The following SPTAN1 variants were observed in gnomAD, a reference collection of about 807,000 sequenced individuals.
SPTAN1 encodes spectrin alpha, non-erythrocytic 1, also known as spectrin alpha chain, non-erythrocytic 1.
Under a neutral mutation model 331.3 loss-of-function variants are expected in SPTAN1, and 61 were observed. The ratio of observed to expected loss-of-function variants is 0.18; its 90% confidence interval spans 0.15 to 0.23. The LOEUF (loss-of-function observed/expected upper bound fraction) is 0.23, where lower values mean the gene tolerates loss of function less well. Among genes scored for constraint, SPTAN1 ranks in the 10% least tolerant of loss-of-function variants. The probability of loss-of-function intolerance (pLI) is 1.00; values close to 1 mark genes in which losing one functional copy is unlikely to be tolerated. For synonymous variants in SPTAN1, 1,153 were observed against 1,173.9 expected, an observed-to-expected ratio of 0.98 and a Z score of 0.36; for missense variants, 2,043 against 3,147.9, an observed-to-expected ratio of 0.65 and a Z score of 8.40.
chr9:128,571,569 G>C (rs1354882638), intron 3 of SPTAN1, among the ~76,000 whole-genome samples: 1 of 152,110 alleles, frequency 6.6e-6, no homozygotes, highest in Non-Finnish European at 1.5e-5. Context: ...TGGGCAACAA[G>C]AGCGAAATTC....
At chr9:128,576,707 G>A (rs564728653) in intron 5 of SPTAN1, 116 bp from the exon 6 acceptor site, 1 of 1,345,280 alleles carries the variant, frequency 7.4e-7, no homozygotes, top group South Asian at 1.3e-5. Flanking sequence ...ATTATTTCTT[G>A]TGATTCTCTT....
chr9:128,624,405 A>G lies in SPTAN1; in HGVS notation c.5910A>G (p.Ala1970=). ...NGKVSDLEKA[A]AQRKAKLDEN... ...AAGTGTCAGACCTGGAGAAAGCTGCAGCCCAGAGAAAGGCGAAGCTGGATG... is the reference window on the plus strand; with the variant it reads ...AAGTGTCAGACCTGGAGAAAGCTGCGGCCCAGAGAAAGGCGAAGCTGGATG... The change falls in exon 46 of 57, where the codon GCA becomes GCG. Residue 1970 remains alanine, a synonymous_variant. Transcript: ENST00000372739. 7.4e-6 allele frequency: 12 copies of G among 1,614,076 alleles called. No homozygotes were observed. Among genetic ancestry groups the G allele is most frequent in the Non-Finnish European group, 9.3e-6 (11 of 1,180,030 alleles).
intron 38 of SPTAN1, 90 bp downstream of exon 38, chr9:128,611,935 A>T (rs1856616617): frequency 1.2e-6 from 2 of 1,607,332 alleles, no homozygotes; most frequent in South Asian, 1.1e-5. Flanking sequence ...CAGTCTTAAG[A>T]CACTAAATGG....
intron 3 of SPTAN1, among the ~76,000 whole-genome samples, chr9:128,573,650 T>C (rs1283046947): frequency 2.0e-5 from 3 of 151,850 alleles, no homozygotes; most frequent in Admixed American, 6.6e-5. Flanking sequence ...AGAGACGGGT[T>C]TCACCATGTT....
At position 128,567,125 on chromosome 9, in the gene SPTAN1, G is replaced by A. The variant is rs568476470; in HGVS notation, c.237+148G>A. 9.4e-6 allele frequency: 11 copies of A among 1,168,918 alleles called. 1 individual carries two copies. The highest frequency in any genetic ancestry group is 1.4e-5 in the Non-Finnish European group (11 of 813,880). 72.4% of individuals were successfully genotyped at this position (1,168,918 alleles called of 1,614,324 possible). ...GGAAGGACAAACTCATTGTTTTCCT[G>A]TATTAGTGAGGGTGAATGTGGAATC... On this transcript the variant is annotated intron_variant, in intron 2 of 56. Coordinates refer to ENST00000372739, the MANE Select transcript of SPTAN1 (RefSeq NM_001130438.3).
At chr9:128,586,133 T>C (rs1392997960) in intron 19 of SPTAN1, among the ~76,000 whole-genome samples, 168 bp downstream of exon 19, 1 of 141,040 alleles carries the variant, frequency 7.1e-6, no homozygotes, top group African/African-American at 2.7e-5. Context: ...TTTTTTTTTT[T>C]TTTTGGAGAC....
chr9:128,597,885 G>A (rs1854524026), intron 24 of SPTAN1, among the ~76,000 whole-genome samples: 1 of 152,000 alleles, frequency 6.6e-6, no homozygotes, highest in South Asian at 2.1e-4. Context: ...TCCTGACCTC[G>A]TGATCCACCC....
rs900815507 is a variant in SPTAN1, at chr9:128,627,682, C to T, written c.6689+184C>T. ...GGAGTGGGGGCATAGGTGGAGCAGC[C>T]TCTCAGTGCTGCATGTCCCAGACAT... On this transcript the variant is annotated intron_variant, in intron 50 of 56. Transcript: ENST00000372739. This position sits in a 1 kb window ranked among gnomAD's most constrained non-coding sequence, Gnocchi z 4.9. 1.2e-5 allele frequency: 9 copies of T among 777,736 alleles called. No individual in the cohort carries two copies. In the South Asian group the frequency reaches 1.4e-4, roughly 12 times the overall value. The allele number at this position is 777,736 out of a possible 1,614,324, so 48.2% of individuals were successfully genotyped here. A position where few individuals can be genotyped will look rare whatever the true frequency, so the allele number is the denominator to read the frequency against.
chr9:128,619,647 A>T (rs1857598827), intron 44 of SPTAN1, among the ~76,000 whole-genome samples: 1 of 152,184 alleles, frequency 6.6e-6, no homozygotes, highest in Non-Finnish European at 1.5e-5. Context: ...ATTAGGGTCC[A>T]CGCTAATGAC....
At chr9:128,614,321 G>A (rs1173989915) in intron 40 of SPTAN1, among the ~76,000 whole-genome samples, 1 of 152,120 alleles carries the variant, frequency 6.6e-6, no homozygotes, top group African/African-American at 2.4e-5. Context: ...GCTGGGCATG[G>A]TGAGTCATGC....
chr9:128,594,427 TG>T, intron 24 of SPTAN1, 54 bp downstream of exon 24: 1 of 1,338,560 alleles, frequency 7.5e-7, no homozygotes, highest in Non-Finnish European at 1.0e-6. Flanking sequence ...TTGAGTCTCT[TG>T]ATTTTTTTTT....
chr9:128,605,421 G>A lies in SPTAN1; in HGVS notation c.3990G>A (p.Gln1330=). The A allele has an allele frequency of 6.2e-7, 1 of 1,614,230 alleles. No individual in the cohort carries two copies. Among genetic ancestry groups the A allele is most frequent in the South Asian group, 1.1e-5 (1 of 91,086 alleles). ...GCAGCCTGGGGAAACGTGCAGATCA[G>A]CGCAAGGCAAAGTTGGGTGACTCCC... ...AWSSLGKRAD[Q]RKAKLGDSHD... The change falls in exon 31 of 57, where the codon CAG becomes CAA. Residue 1330 remains glutamine (Q), a synonymous_variant. Coordinates refer to ENST00000372739, the MANE Select transcript of SPTAN1 (RefSeq NM_001130438.3).
chr9:128,594,083 A>G (rs1853898113), intron 23 of SPTAN1, 92 bp from the exon 24 acceptor site: 1 of 1,226,500 alleles, frequency 8.2e-7, no homozygotes, highest in Admixed American at 1.8e-5. Context: ...TGGAATCCAC[A>G]TCTTGGAGAC....
Position 128,627,978 on chromosome 9 carries a change from T to G in SPTAN1, c.6707+36T>G. On this transcript the variant is annotated intron_variant, in intron 51 of 56. Coordinates refer to ENST00000372739, the MANE Select transcript of SPTAN1 (RefSeq NM_001130438.3). The surrounding 1 kb of genome is among the most constrained non-coding windows in gnomAD (Gnocchi z 4.9). ...TTTTCTTCCTTCTCTGGGCTTGTCA[T>G]GTGGGGGTCTCGTGCGCTTGCCCCT... The G allele has an allele frequency of 6.2e-7, 1 of 1,614,012 alleles. No individual in the cohort carries two copies. The highest frequency in any genetic ancestry group is 8.5e-7 in the Non-Finnish European group (1 of 1,179,876).
At chr9:128,562,943 C>T (rs186293166) in intron 1 of SPTAN1, among the ~76,000 whole-genome samples, 4,267 of 142,556 alleles carry the variant, frequency 0.03, 194 homozygotes, top group African/African-American at 0.1. Context: ...CCAGCCTGGG[C>T]GACAGAGTGA....
In SPTAN1 at chr9:128,629,956, G is replaced by T; in HGVS notation, c.6708-365G>T. Reference sequence around the variant, plus strand: ...CCCTGAGGTCTCCTGTCTGTCAGGTGTCAGGGTGTGCCATCCCCCACATGG... The same window carrying T: ...CCCTGAGGTCTCCTGTCTGTCAGGTTTCAGGGTGTGCCATCCCCCACATGG... On this transcript the variant is annotated intron_variant, in intron 51 of 56. Transcript: ENST00000372739. The surrounding 1 kb of genome is among the most constrained non-coding windows in gnomAD (Gnocchi z 4.9). 1 of 382,980 alleles carries T rather than the reference G, an allele frequency of 2.6e-6. No individual in the cohort carries two copies. Among genetic ancestry groups the T allele is most frequent in the Non-Finnish European group, 5.1e-6 (1 of 197,286 alleles). 23.7% of individuals were successfully genotyped at this position (382,980 alleles called of 1,614,324 possible).
At chr9:128,582,131 G>A (rs1852019383) in intron 12 of SPTAN1, among the ~76,000 whole-genome samples, 1 of 152,190 alleles carries the variant, frequency 6.6e-6, no homozygotes, top group Admixed American at 6.5e-5. Flanking sequence ...TTCATTAAAA[G>A]TAGGTCAGGG....
At chr9:128,563,021 T>C (rs954290967) in intron 1 of SPTAN1, among the ~76,000 whole-genome samples, 1 of 136,724 alleles carries the variant, frequency 7.3e-6, no homozygotes, top group Non-Finnish European at 1.5e-5. Context: ...TATATATATA[T>C]ATATATGTAT....
intron 2 of SPTAN1, among the ~76,000 whole-genome samples, chr9:128,567,917 C>T (rs1401500227): frequency 3.3e-5 from 5 of 152,004 alleles, no homozygotes; most frequent in Non-Finnish European, 5.9e-5. Flanking sequence ...CGCGACACCA[C>T]GCCCAGCTAA....
Sources: allele counts gnomAD v4.1 joint callset (sites outside exome capture counted in the v4.1 genomes callset), GRCh38; gene constraint gnomAD v4.1.1; non-coding constraint Gnocchi (gnomAD v3.1); transcripts MANE v1.5; gene names NCBI Gene and HGNC (gene_info 2026-07-23, HGNC 2026-07-21).